Variants in KY observed in about 807,000 individuals in gnomAD.
KY encodes the protein kyphoscoliosis peptidase.
KY carries 43 observed loss-of-function variants against 76.1 expected under a neutral mutation model. That is an observed-to-expected ratio of 0.57 (90% confidence interval 0.44 to 0.73). The LOEUF (loss-of-function observed/expected upper bound fraction) is 0.73, where lower values mean the gene tolerates loss of function less well. KY is among the 30% of genes least tolerant of loss of function. KY has a pLI of 0.00. For missense variants in KY, 722 were observed against 828.9 expected (o/e 0.87, Z 1.58); for synonymous variants, 277 against 326.2 (o/e 0.85, Z 1.63).
At chr3:134,608,955 C>G in intron 9 of KY, 116 bp from the exon 10 acceptor site, 1 of 1,207,600 alleles carries the variant, frequency 8.3e-7, no homozygotes, top group Non-Finnish European at 1.1e-6. Flanking sequence ...CCATCTCCGA[C>G]CCTAACATGG....
intron 3 of KY, among the ~76,000 whole-genome samples, chr3:134,635,381 C>T (rs1964799707): frequency 6.6e-6 from 1 of 151,178 alleles, no homozygotes; most frequent in South Asian, 2.1e-4. Flanking sequence ...CCTGTAACCC[C>T]AGCTACTCGG....
intron 10 of KY, among the ~76,000 whole-genome samples, chr3:134,606,473 G>A (rs1409165240): frequency 6.6e-6 from 1 of 152,082 alleles, no homozygotes; most frequent in East Asian, 1.9e-4. Context: ...AGGCTTCATG[G>A]TAATGTCCCC....
chr3:134,650,186 A>G (rs929500132), intron 1 of KY, among the ~76,000 whole-genome samples: 3 of 152,164 alleles, frequency 2.0e-5, no homozygotes, highest in South Asian at 2.1e-4. Flanking sequence ...ACAACTTACA[A>G]ATTTACCCAG....
At position 134,608,752 on chromosome 3, in the gene KY, A is replaced by G. The variant is rs1959724182; in HGVS notation, c.987T>C (p.Pro329=). 1.2e-6 allele frequency: 2 copies of G among 1,613,856 alleles called. No individual in the cohort carries two copies. The highest frequency in any genetic ancestry group is 1.3e-5 in the African/African-American group (1 of 74,922). The part of the protein sequence containing the change: ...PDNKNWQLLK[P]PQSLRQFENN... ...TCTCAAACTGCCTCAGAGATTGAGGAGGTTTTAGCAGCTGCCAGTTCTTGT... is the reference window on the plus strand; with the variant it reads ...TCTCAAACTGCCTCAGAGATTGAGGGGGTTTTAGCAGCTGCCAGTTCTTGT... Residue 329 remains proline (P), a synonymous_variant, in exon 10 of 11, where the codon CCT becomes CCC. Coordinates refer to ENST00000423778, the MANE Select transcript of KY (RefSeq NM_178554.6).
chr3:134,610,077 G>C, intron 9 of KY, 118 bp downstream of exon 9: 1 of 1,092,160 alleles, frequency 9.2e-7, no homozygotes, highest in Non-Finnish European at 1.3e-6. Flanking sequence ...GTGGGCATGG[G>C]GCCTCCTGGC....
At chr3:134,642,257 G>A (rs566848936) in intron 3 of KY, among the ~76,000 whole-genome samples, 1 of 152,280 alleles carries the variant, frequency 6.6e-6, no homozygotes, top group Admixed American at 6.5e-5. Flanking sequence ...AATCCTCCGG[G>A]GCCTCCAGAG....
intron 8 of KY, among the ~76,000 whole-genome samples, chr3:134,617,263 T>C (rs947235990): frequency 2.0e-5 from 3 of 152,236 alleles, no homozygotes; most frequent in Non-Finnish European, 4.4e-5. Context: ...AATCATGTTC[T>C]GAAAGATGCT....
In KY at chr3:134,608,734, C is replaced by T. The variant is rs1177358565; in HGVS notation, c.1005G>A (p.Gln335=). ...TCTTGTGATACATGTTGTTCTCAAACTGCCTCAGAGATTGAGGAGGTTTTA... is the reference window on the plus strand; with the variant it reads ...TCTTGTGATACATGTTGTTCTCAAATTGCCTCAGAGATTGAGGAGGTTTTA... The part of the protein sequence containing the change: ...QLLKPPQSLR[Q]FENNMYHKSE... Residue 335 remains glutamine (Q), a synonymous_variant, in exon 10 of 11, where the codon CAG becomes CAA. Transcript: ENST00000423778. The T allele has an allele frequency of 3.7e-6, 6 of 1,614,062 alleles. No homozygotes were observed. The highest frequency in any genetic ancestry group is 5.1e-6 in the Non-Finnish European group (6 of 1,179,904).
chr3:134,608,198 C>T, intron 10 of KY: 1 of 1,181,982 alleles, frequency 8.5e-7, no homozygotes, highest in Non-Finnish European at 1.1e-6. Flanking sequence ...GAAGAGAACA[C>T]AGCAGGCCAG....
At chr3:134,619,637 C>A (rs573031078) in intron 7 of KY, among the ~76,000 whole-genome samples, 1 of 152,324 alleles carries the variant, frequency 6.6e-6, no homozygotes, top group Non-Finnish European at 1.5e-5. Context: ...TCATGCTGAC[C>A]CATGGGGCAC....
intron 8 of KY, among the ~76,000 whole-genome samples, chr3:134,613,683 CT>C (rs1960957233): frequency 6.6e-6 from 1 of 152,234 alleles, no homozygotes; most frequent in South Asian, 2.1e-4. Flanking sequence ...CAGTTATAAG[CT>C]TATGCCATGC....
At chr3:134,640,979 C>G (rs776731135) in intron 3 of KY, among the ~76,000 whole-genome samples, 1 of 152,216 alleles carries the variant, frequency 6.6e-6, no homozygotes, top group Non-Finnish European at 1.5e-5. Flanking sequence ...CAACTCTGCC[C>G]TGTGTCCTCT....
chr3:134,641,736 C>T lies in KY; in HGVS notation c.262+1580G>A, dbSNP rs575428790. On this transcript the variant is annotated intron_variant, in intron 3 of 10. Coordinates refer to ENST00000423778, the MANE Select transcript of KY (RefSeq NM_178554.6). ...CCCGCACAGCCCCAGACCCCATACC[C>T]GCACACACCCCTTATCATCCTTCCT... Among the ~76,000 whole-genome samples the T allele has an allele frequency of 8.5e-5, 13 of 152,234 alleles. No individual in the cohort carries two copies. In the East Asian group the frequency reaches 2.1e-3, roughly 25 times the overall value.
intron 8 of KY, chr3:134,610,734 C>A (rs577862491): frequency 3.5e-5 from 7 of 199,372 alleles, no homozygotes; most frequent in Non-Finnish European, 7.0e-5. Flanking sequence ...TGGGGGCAAG[C>A]GTGAGGCTGG....
chr3:134,602,819 C>T lies in KY; in HGVS notation c.*760G>A, dbSNP rs574939488. On this transcript the variant is annotated 3_prime_UTR_variant, in exon 11 of 11. Transcript: ENST00000423778. ...CCTCAGACCAAGGCTGCAGCTCTGCCGACAGTGTCCCTCCCACCTGCACAG... is the reference window on the plus strand; with the variant it reads ...CCTCAGACCAAGGCTGCAGCTCTGCTGACAGTGTCCCTCCCACCTGCACAG... Among the ~76,000 whole-genome samples the T allele has an allele frequency of 7.9e-5, 12 of 152,274 alleles. No homozygotes were observed. The highest frequency in any genetic ancestry group is 2.1e-4 in the South Asian group (1 of 4,820).
At chr3:134,629,451 GAA>G in intron 4 of KY, 168 bp downstream of exon 4, 2 of 577,244 alleles carry the variant, frequency 3.5e-6, no homozygotes. Context: ...TGGGTGTAGA[GAA>G]AAGAGTCTCC....
At chr3:134,616,033 T>G (rs1220581365) in intron 8 of KY, among the ~76,000 whole-genome samples, 1 of 152,188 alleles carries the variant, frequency 6.6e-6, no homozygotes, top group Non-Finnish European at 1.5e-5. Flanking sequence ...AAAGCCATGC[T>G]AACGGGAAGA....
At chr3:134,641,245 C>T (rs1027040793) in intron 3 of KY, 2 of 152,116 alleles carry the variant, frequency 1.3e-5, no homozygotes, top group African/African-American at 4.8e-5. Flanking sequence ...GAAGAATGGC[C>T]TTTAGAGATA....
intron 3 of KY, chr3:134,641,375 C>CTGAAT (rs1224665088): frequency 6.6e-6 from 1 of 152,154 alleles, no homozygotes; most frequent in African/African-American, 2.4e-5. Context: ...TGGCTGGGCT[C>CTGAAT]TGAATGCGAC....
Sources: allele counts gnomAD v4.1 joint callset (sites outside exome capture counted in the v4.1 genomes callset), GRCh38; gene constraint gnomAD v4.1.1; transcripts MANE v1.5; gene names NCBI Gene and HGNC (gene_info 2026-07-23, HGNC 2026-07-21).